Variants in SGCZ observed in about 807,000 individuals in gnomAD.
SGCZ encodes sarcoglycan zeta, also known as zeta-sarcoglycan.
A neutral mutation model predicts 41.3 loss-of-function variants in SGCZ; 40 were observed. The ratio of observed to expected loss-of-function variants is 0.97; its 90% CI spans 0.75 to 1.26. The LOEUF (loss-of-function observed/expected upper bound fraction) is 1.26, where lower values mean the gene tolerates loss of function less well. SGCZ is among the 50% of genes most tolerant of loss of function. The probability of loss-of-function intolerance (pLI) is 0.00; values close to 1 mark genes in which losing one functional copy is unlikely to be tolerated. For missense variants in SGCZ, 552 were observed against 369.8 expected (o/e 1.49, Z -4.04); for synonymous variants, 206 against 137.5 (o/e 1.50, Z -3.49).
At chr8:14,502,424 T>C (rs1472757331) in intron 2 of SGCZ, among the ~76,000 whole-genome samples, 1 of 152,148 alleles carries the variant, frequency 6.6e-6, no homozygotes, top group Non-Finnish European at 1.5e-5. Flanking sequence ...GGGTTATATC[T>C]ACAATACAAC....
intron 1 of SGCZ, among the ~76,000 whole-genome samples, chr8:14,755,412 C>T (rs2130333383): frequency 7.8e-6 from 1 of 128,042 alleles, no homozygotes; most frequent in East Asian, 2.5e-4. Flanking sequence ...TACTAATGGG[C>T]TTTTTTAAGT....
At chr8:14,790,654 G>C (rs1051096615) in intron 1 of SGCZ, among the ~76,000 whole-genome samples, 2 of 152,154 alleles carry the variant, frequency 1.3e-5, no homozygotes, top group Non-Finnish European at 2.9e-5. Flanking sequence ...TAATAAGATT[G>C]ATTCCAGTAG....
intron 1 of SGCZ, among the ~76,000 whole-genome samples, chr8:14,817,944 C>G (rs1801956946): frequency 6.6e-6 from 1 of 152,218 alleles, no homozygotes; most frequent in Non-Finnish European, 1.5e-5. Flanking sequence ...GACCTGTCCA[C>G]TTTAATATAT....
chr8:15,149,757 A>C (rs1563151951), intron 1 of SGCZ, among the ~76,000 whole-genome samples: 2 of 151,750 alleles, frequency 1.3e-5, no homozygotes. Flanking sequence ...TAATTTGACA[A>C]TCTGTTTAAA....
intron 5 of SGCZ, among the ~76,000 whole-genome samples, chr8:14,132,379 A>G (rs10111643): frequency 0.081 from 12,389 of 152,240 alleles, 1,703 homozygotes; most frequent in African/African-American, 0.28. Flanking sequence ...TTTCAAAGGC[A>G]CAGAAGCATT....
At chr8:14,507,512 C>T (rs1421773420) in intron 2 of SGCZ, among the ~76,000 whole-genome samples, 1 of 152,206 alleles carries the variant, frequency 6.6e-6, no homozygotes, top group Non-Finnish European at 1.5e-5. Flanking sequence ...AGTAATCCTA[C>T]AGAGTCCCCA....
chr8:14,848,204 T>G lies in SGCZ; in HGVS notation c.40-293278A>C, dbSNP rs73535069. The stretch of plus-strand genomic sequence containing the variant: ...AACTATAAAACATTGTTTAGAGAAA[T>G]GAAAGAGGGCAAAATAAAGGAAGCC... On this transcript the variant is annotated intron_variant, in intron 1 of 7. Coordinates refer to ENST00000382080, the MANE Select transcript of SGCZ (RefSeq NM_139167.4). Among the ~76,000 whole-genome samples the G allele has an allele frequency of 8.3e-3, 1,269 of 152,124 alleles. 20 individuals carry two copies. Among genetic ancestry groups the G allele is most frequent in the African/African-American group, 0.029 (1,191 of 41,512 alleles).
In SGCZ at chr8:14,651,472, T is replaced by G. The variant is rs796089217; in HGVS notation, c.40-96546A>C. On this transcript the variant is annotated intron_variant, in intron 1 of 7. Coordinates refer to ENST00000382080, the MANE Select transcript of SGCZ (RefSeq NM_139167.4). ...CAAAACTTCCCCAAACAATAGACAG[T>G]GGTATTATTATATCACCATTATACA... Among the ~76,000 whole-genome samples the G allele has an allele frequency of 8.5e-5, 13 of 152,164 alleles. 1 individual carries two copies. The highest frequency in any genetic ancestry group is 3.1e-4 in the African/African-American group (13 of 41,502).
At chr8:14,737,020 G>A (rs1799056933) in intron 1 of SGCZ, among the ~76,000 whole-genome samples, 1 of 150,232 alleles carries the variant, frequency 6.7e-6, no homozygotes, top group Non-Finnish European at 1.5e-5. Context: ...CTGGTATATA[G>A]ATATATATAT....
At chr8:14,198,809 CTT>C (rs1419435501) in intron 4 of SGCZ, among the ~76,000 whole-genome samples, 1 of 152,122 alleles carries the variant, frequency 6.6e-6, no homozygotes, top group Non-Finnish European at 1.5e-5. Flanking sequence ...TTATGCCTGT[CTT>C]TACTGCAATC....
At chr8:14,577,424 C>T (rs1236370752) in intron 1 of SGCZ, among the ~76,000 whole-genome samples, 1 of 145,092 alleles carries the variant, frequency 6.9e-6, no homozygotes, top group Non-Finnish European at 1.5e-5. Flanking sequence ...AGTCTCACTC[C>T]GTCAGCCAGG....
At chr8:14,150,552 A>C (rs904329994) in intron 5 of SGCZ, among the ~76,000 whole-genome samples, 3 of 152,110 alleles carry the variant, frequency 2.0e-5, no homozygotes, top group Non-Finnish European at 2.9e-5. Flanking sequence ...AGAAAAGGGA[A>C]CCCTTGTATA....
Position 14,958,864 on chromosome 8 carries a change from C to T in SGCZ, c.39+278721G>A, listed in dbSNP as rs187196358. ...TGACAGAGAAAAAGACATAAATAGG[C>T]AGATATTTAGGGGATAAAACAAAGA... On this transcript the variant is annotated intron_variant, in intron 1 of 7. Coordinates refer to ENST00000382080, the MANE Select transcript of SGCZ (RefSeq NM_139167.4). 4.3e-3 allele frequency among the ~76,000 whole-genome samples: 651 copies of T among 151,976 alleles called. 6 individuals carry two copies. The highest frequency in any genetic ancestry group is 0.017 in the South Asian group (84 of 4,806).
intron 3 of SGCZ, among the ~76,000 whole-genome samples, chr8:14,306,006 T>G (rs113420878): frequency 0.051 from 7,713 of 152,202 alleles, 214 homozygotes; most frequent in Middle Eastern, 0.11. Context: ...GTATTCTAGG[T>G]TATTCAGCCC....
intron 2 of SGCZ, among the ~76,000 whole-genome samples, chr8:14,534,061 A>T (rs528145697): frequency 1.3e-5 from 2 of 152,136 alleles, no homozygotes; most frequent in African/African-American, 2.4e-5. Flanking sequence ...AGATTCAAGG[A>T]TGTAGTCAGA....
intron 1 of SGCZ, among the ~76,000 whole-genome samples, chr8:14,738,950 A>G (rs1396165717): frequency 6.6e-6 from 1 of 152,094 alleles, no homozygotes; most frequent in Non-Finnish European, 1.5e-5. Context: ...GTAAATTTCA[A>G]CAACTATGAT....
At chr8:14,276,072 T>A (rs566624310) in intron 3 of SGCZ, among the ~76,000 whole-genome samples, 9 of 152,194 alleles carry the variant, frequency 5.9e-5, no homozygotes, top group Non-Finnish European at 7.4e-5. Flanking sequence ...TGGACCTGCT[T>A]CTTCCTTGGG....
intron 3 of SGCZ, among the ~76,000 whole-genome samples, chr8:14,316,812 GACACACAC>G (rs55956388): frequency 0.015 from 2,176 of 142,344 alleles, 46 homozygotes; most frequent in African/African-American, 0.047. Flanking sequence ...ATTTATTATA[GACACACAC>G]ACACACACAC....
chr8:14,259,628 C>T (rs564127861), intron 3 of SGCZ, among the ~76,000 whole-genome samples: 10 of 132,260 alleles, frequency 7.6e-5, no homozygotes, highest in East Asian at 4.1e-4. Flanking sequence ...TGTAGATATG[C>T]GGCGTTATTT....
Sources: allele counts gnomAD v4.1 joint callset (sites outside exome capture counted in the v4.1 genomes callset), GRCh38; gene constraint gnomAD v4.1.1; transcripts MANE v1.5; gene names NCBI Gene and HGNC (gene_info 2026-07-23, HGNC 2026-07-21).